The following KLHL1 variants were observed in gnomAD, a reference collection of about 807,000 sequenced individuals.
The protein encoded by KLHL1 is kelch-like protein 1.
A neutral mutation model predicts 77.7 loss-of-function variants in KLHL1; 47 were observed. The ratio of observed to expected loss-of-function variants is 0.60; its 90% CI spans 0.48 to 0.77. The LOEUF (loss-of-function observed/expected upper bound fraction) is 0.77, where lower values mean the gene tolerates loss of function less well. Among genes scored for constraint, KLHL1 ranks in the 30% least tolerant of loss-of-function variants. The pLI is 0.00. For missense variants in KLHL1, 925 were observed against 910.8 expected, an observed-to-expected ratio of 1.02 and a Z score of -0.20; for synonymous variants, 360 against 325.2, an observed-to-expected ratio of 1.11 and a Z score of -1.15.
intron 4 of KLHL1, among the ~76,000 whole-genome samples, chr13:69,918,733 T>A (rs542471155): frequency 6.6e-6 from 1 of 152,278 alleles, no homozygotes; most frequent in African/African-American, 2.4e-5. Context: ...TCCTGTAAAA[T>A]TTTTCAAATC....
At position 70,079,851 on chromosome 13, in the gene KLHL1, G is replaced by A. The variant is rs77171206; in HGVS notation, c.497+27352C>T. On this transcript the variant is annotated intron_variant, in intron 1 of 10. Coordinates refer to ENST00000377844, the MANE Select transcript of KLHL1 (RefSeq NM_020866.3). Reference sequence around the variant, plus strand: ...TTGAACTCAGCATACTGAGCTTTAAGTCCATACCTTGTGTGATTATTTTAA... The same window carrying A: ...TTGAACTCAGCATACTGAGCTTTAAATCCATACCTTGTGTGATTATTTTAA... Among the ~76,000 whole-genome samples, 1,072 of 152,290 alleles carry A rather than the reference G, an allele frequency of 7.0e-3. 11 individuals carry two copies. Among genetic ancestry groups the A allele is most frequent in the African/African-American group, 0.024 (984 of 41,560 alleles).
At chr13:69,833,313 T>C (rs56204941) in intron 6 of KLHL1, among the ~76,000 whole-genome samples, 11,445 of 151,966 alleles carry the variant, frequency 0.075, 790 homozygotes, top group African/African-American at 0.18. Context: ...ATGGACAATT[T>C]TCAAAAGAAC....
At chr13:69,715,551 C>T (rs1002579910) in intron 9 of KLHL1, among the ~76,000 whole-genome samples, 1 of 151,054 alleles carries the variant, frequency 6.6e-6, no homozygotes, top group Non-Finnish European at 1.5e-5. Context: ...GACGGAATCT[C>T]GCTCTGTTGC....
At chr13:69,927,456 T>A (rs1242057990) in intron 4 of KLHL1, among the ~76,000 whole-genome samples, 2 of 152,130 alleles carry the variant, frequency 1.3e-5, no homozygotes, top group South Asian at 2.1e-4. Flanking sequence ...CACTTTCTCA[T>A]CAGGAAAGTG....
intron 9 of KLHL1, among the ~76,000 whole-genome samples, chr13:69,708,535 G>T (rs1158243864): frequency 6.6e-6 from 1 of 151,962 alleles, no homozygotes; most frequent in Admixed American, 6.6e-5. Context: ...TAGTGACATT[G>T]CTCAGGATTC....
At chr13:69,704,756 C>G (rs187226626) in intron 10 of KLHL1, among the ~76,000 whole-genome samples, 1 of 151,586 alleles carries the variant, frequency 6.6e-6, no homozygotes, top group African/African-American at 2.4e-5. Flanking sequence ...AAAAATCTGC[C>G]TTTGTTCTCC....
chr13:70,000,063 G>A (rs1368590926), intron 1 of KLHL1, among the ~76,000 whole-genome samples: 1 of 151,940 alleles, frequency 6.6e-6, no homozygotes, highest in Non-Finnish European at 1.5e-5. Context: ...GTTCCCATGA[G>A]ATCTGATTGT....
chr13:69,933,965 T>C (rs189305169), intron 4 of KLHL1, among the ~76,000 whole-genome samples: 1 of 152,260 alleles, frequency 6.6e-6, no homozygotes, highest in Admixed American at 6.6e-5. Flanking sequence ...CATTAGCATA[T>C]TGAATAGGGC....
At chr13:69,778,680 C>T (rs1217818166) in intron 7 of KLHL1, among the ~76,000 whole-genome samples, 1 of 151,596 alleles carries the variant, frequency 6.6e-6, no homozygotes, top group East Asian at 1.9e-4. Flanking sequence ...AGAAACAAGG[C>T]ACAAAATCTC....
intron 2 of KLHL1, among the ~76,000 whole-genome samples, chr13:69,965,870 C>T (rs1884197355): frequency 6.6e-6 from 1 of 152,112 alleles, no homozygotes; most frequent in African/African-American, 2.4e-5. Flanking sequence ...GAGTAAGGCC[C>T]TAACTCTCTT....
intron 3 of KLHL1, among the ~76,000 whole-genome samples, chr13:69,951,897 C>T (rs1048164194): frequency 4.6e-5 from 7 of 151,382 alleles, no homozygotes; most frequent in African/African-American, 1.7e-4. Context: ...TTACAGAGTG[C>T]TGCCGAGGGA....
At chr13:69,730,202 G>T (rs1873479920) in intron 8 of KLHL1, among the ~76,000 whole-genome samples, 1 of 151,968 alleles carries the variant, frequency 6.6e-6, no homozygotes, top group Admixed American at 6.6e-5. Flanking sequence ...CATAAAGAAG[G>T]TCACAGAGCT....
chr13:70,006,847 AAT>A (rs1344355325), intron 1 of KLHL1, among the ~76,000 whole-genome samples: 14 of 152,216 alleles, frequency 9.2e-5, no homozygotes, highest in South Asian at 4.1e-4. Flanking sequence ...AATTGCAAAG[AAT>A]ATATGTTTTC....
chr13:69,895,223 GT>G (rs1162166896), intron 4 of KLHL1: 1 of 516,994 alleles, frequency 1.9e-6, no homozygotes, highest in Non-Finnish European at 3.9e-6. Flanking sequence ...ACCAGTTGCA[GT>G]TTGCTGGCAG....
intron 1 of KLHL1, among the ~76,000 whole-genome samples, chr13:70,086,590 AAAAGAAAG>A (rs869169817): frequency 0.012 from 1,044 of 85,700 alleles, 54 homozygotes; most frequent in African/African-American, 0.023. Context: ...AAAAAAAAAA[AAAAGAAAG>A]AAAGAAAGAA....
chr13:70,085,514 T>C (rs924774253), intron 1 of KLHL1, among the ~76,000 whole-genome samples: 1 of 152,148 alleles, frequency 6.6e-6, no homozygotes, highest in African/African-American at 2.4e-5. Flanking sequence ...TTTTTTTATA[T>C]TTACATTGCT....
At chr13:70,103,016 A>G (rs1360430063) in intron 1 of KLHL1, among the ~76,000 whole-genome samples, 1 of 152,184 alleles carries the variant, frequency 6.6e-6, no homozygotes, top group Non-Finnish European at 1.5e-5. Flanking sequence ...ACAAGCTTCA[A>G]TAAGAATTTT....
chr13:69,929,066 A>T (rs560486069), intron 4 of KLHL1, among the ~76,000 whole-genome samples: 10 of 152,238 alleles, frequency 6.6e-5, no homozygotes, highest in African/African-American at 2.4e-4. Flanking sequence ...GCACTTATCA[A>T]CATTATCCAG....
At chr13:69,840,262 C>T (rs1879193709) in intron 5 of KLHL1, among the ~76,000 whole-genome samples, 1 of 151,956 alleles carries the variant, frequency 6.6e-6, no homozygotes, top group African/African-American at 2.4e-5. Flanking sequence ...CTCACTCTGT[C>T]ACCCAGGCTG....
Sources: gnomAD v4.1 joint callset for allele counts (sites outside exome capture counted in the v4.1 genomes callset) on GRCh38, gnomAD v4.1.1 for gene constraint, MANE v1.5 for transcripts, NCBI Gene and HGNC (gene_info 2026-07-23, HGNC 2026-07-21) for gene names.